Variants in MYNN observed in about 807,000 individuals in gnomAD.
MYNN encodes the protein zinc finger and BTB domain-containing protein 31.
MYNN carries 22 observed loss-of-function variants against 57.2 expected under a neutral mutation model. That is an observed-to-expected ratio of 0.38 (90% CI 0.27 to 0.55). The LOEUF (loss-of-function observed/expected upper bound fraction) is 0.55. Among genes scored for constraint, MYNN ranks in the 20% least tolerant of loss-of-function variants. MYNN has a pLI of 0.71. For missense variants in MYNN, 566 were observed against 723.1 expected (o/e 0.78, Z 2.49); for synonymous variants, 241 against 257.1 (o/e 0.94, Z 0.60).
At chr3:169,779,607 T>TA (rs1356897100) in intron 3 of MYNN, 46 bp downstream of exon 3, 2 of 1,552,842 alleles carry the variant, frequency 1.3e-6, no homozygotes, top group Non-Finnish European at 1.7e-6. Flanking sequence ...CTGTGACTAA[T>TA]ATAGTGTATT....
chr3:169,775,283 C>T lies in MYNN; in HGVS notation c.266+722C>T, dbSNP rs550483059. ...ATCTGATAATGTAGGCACTGTGTGTCTCCCCTGTATAACGAACCATATAAT... is the reference window on the plus strand; with the variant it reads ...ATCTGATAATGTAGGCACTGTGTGTTTCCCCTGTATAACGAACCATATAAT... On this transcript the variant is annotated intron_variant, in intron 2 of 7. Coordinates refer to ENST00000349841, the MANE Select transcript of MYNN (RefSeq NM_018657.5). Among the ~76,000 whole-genome samples the T allele has an allele frequency of 4.6e-5, 7 of 152,288 alleles. No individual in the cohort carries two copies. The South Asian group carries it at 1.2e-3, about 27-fold the overall frequency.
At chr3:169,779,680 C>A in intron 3 of MYNN, 119 bp downstream of exon 3, 1 of 1,051,664 alleles carries the variant, frequency 9.5e-7, no homozygotes. Context: ...TTCTATTCAT[C>A]AAAGTATTTA....
chr3:169,784,161 G>T (rs923057606), intron 6 of MYNN, among the ~76,000 whole-genome samples: 3 of 151,972 alleles, frequency 2.0e-5, no homozygotes, highest in African/African-American at 7.2e-5. Flanking sequence ...ACACCATAAA[G>T]CACTGAACAG....
intron 2 of MYNN, chr3:169,777,103 A>T (rs2108199655): frequency 6.6e-6 from 1 of 152,316 alleles, no homozygotes; most frequent in Non-Finnish European, 1.5e-5. Flanking sequence ...AGACCAAAAG[A>T]TCTTTTTTAG....
Position 169,774,543 on chromosome 3 carries a change from G to A in MYNN, c.248G>A (p.Gly83Glu), listed in dbSNP as rs1778270527. 4 of 1,611,948 alleles carry A rather than the reference G, an allele frequency of 2.5e-6. No individual in the cohort carries two copies. The highest frequency in any genetic ancestry group is 3.4e-6 in the Non-Finnish European group (4 of 1,178,460). ...FQKLLEFIYT[G>E]TLNLDSWNVK... ...AAACTGTTGGAGTTTATATACACAG[G>A]AACTTTAAATCTTGACAGGTAAAGT... Residue 83 changes from glycine (G) to glutamate (E), a missense_variant, in exon 2 of 8, where the codon GGA becomes GAA. Gly to Glu is a moderately conservative substitution (Grantham distance 98). Transcript: ENST00000349841.
intron 2 of MYNN, among the ~76,000 whole-genome samples, chr3:169,776,057 TG>T (rs1199859237): frequency 6.6e-6 from 1 of 152,206 alleles, no homozygotes; most frequent in African/African-American, 2.4e-5. Context: ...AAAAGAGCAG[TG>T]TGAATTTTGG....
intron 7 of MYNN, among the ~76,000 whole-genome samples, 176 bp downstream of exon 7, chr3:169,784,884 C>G (rs1313461198): frequency 6.8e-6 from 1 of 147,136 alleles, no homozygotes; most frequent in Non-Finnish European, 1.5e-5. Context: ...AACATTCACT[C>G]TGGATTTTTC....
chr3:169,776,694 AT>A (rs10681957), intron 2 of MYNN, among the ~76,000 whole-genome samples: 2,166 of 105,544 alleles, frequency 0.021, 5 homozygotes, highest in East Asian at 0.064. Flanking sequence ...TGTTGAACAA[AT>A]TTTTTTTTTT....
At position 169,774,349 on chromosome 3, in the gene MYNN, G is replaced by A. The variant is rs1184835207; in HGVS notation, c.54G>A (p.Arg18=). ...TTTTAGAGAGACTGAACAAACAGCG[G>A]GAAGCAGGTTTTCTCTGTGACTGTA... ...EHLLERLNKQ[R]EAGFLCDCTI... is the part of the protein sequence containing the mutation. Residue 18 remains arginine (R), a synonymous_variant, in exon 2 of 8, where the codon CGG becomes CGA. Transcript: ENST00000349841. 1 of 1,614,032 alleles carries A rather than the reference G, an allele frequency of 6.2e-7. No homozygotes were observed. The highest frequency in any genetic ancestry group is 1.1e-5 in the South Asian group (1 of 91,078).
chr3:169,785,144 A>G (rs1778640043), intron 7 of MYNN, among the ~76,000 whole-genome samples: 1 of 151,644 alleles, frequency 6.6e-6, no homozygotes, highest in African/African-American at 2.4e-5. Context: ...AGGTAGCCCT[A>G]CATTGTTATA....
In MYNN at chr3:169,779,251, T is replaced by C; in HGVS notation, c.750T>C (p.Ile250=). The C allele has an allele frequency of 6.2e-7, 1 of 1,614,180 alleles. No individual in the cohort carries two copies. The highest frequency in any genetic ancestry group is 1.6e-4 in the Middle Eastern group (1 of 6,062). ...VVENTFPAQD[I]VHTVTVKRKR... Reference sequence around the variant, plus strand: ...AAAATACTTTTCCAGCACAAGATATTGTGCACACTGTTACAGTGAAACGGA... The same window carrying C: ...AAAATACTTTTCCAGCACAAGATATCGTGCACACTGTTACAGTGAAACGGA... The change falls in exon 3 of 8, where the codon ATT becomes ATC. Residue 250 remains isoleucine (I), a synonymous_variant. Transcript: ENST00000349841.
At chr3:169,780,452 G>C (rs781759879) in intron 3 of MYNN, 138 bp from the exon 4 acceptor site, 1 of 573,502 alleles carries the variant, frequency 1.7e-6, no homozygotes, top group South Asian at 3.0e-5. Context: ...CAGTGGTCTG[G>C]AAAAGATTAT....
Position 169,779,419 on chromosome 3 carries a change from A to C in MYNN, c.918A>C (p.Thr306=). The change falls in exon 3 of 8, where the codon ACA becomes ACC. Residue 306 remains threonine, a synonymous_variant. Transcript: ENST00000349841. ...CCAAGGCCAAGCCAATGTGTAACACATGTGGGAAAGTGTTTTCAGAAGCCA... is the reference window on the plus strand; with the variant it reads ...CCAAGGCCAAGCCAATGTGTAACACCTGTGGGAAAGTGTTTTCAGAAGCCA... ...RYSKAKPMCN[T]CGKVFSEASS... 6.2e-7 allele frequency: 1 copy of C among 1,614,212 alleles called. No homozygotes were observed. The highest frequency in any genetic ancestry group is 8.5e-7 in the Non-Finnish European group (1 of 1,180,030).
rs1431313126 is a variant in MYNN at position 169,787,499 on chromosome 3, CCTCT to C, written c.*824_*827del. 4 of 151,954 alleles carry C rather than the reference CCTCT, an allele frequency of 2.6e-5. No homozygotes were observed. 9.4% of individuals were successfully genotyped at this position (151,954 alleles called of 1,614,324 possible). On this transcript the variant is annotated 3_prime_UTR_variant, in exon 8 of 8. Transcript: ENST00000349841. ...TTGAGTTTTGAAATATTTTGGTAAG[CCTCT>C]CTTACTCCTGTTATGCACTTTTTAA...
rs938818343 is a variant in MYNN, at chr3:169,787,005, T to C, written c.*327T>C. ...TTCATTTACTAAATCAGCCAGTTAA[T>C]GTGATTCAGTTGTGACCTGTGGGAT... On this transcript the variant is annotated 3_prime_UTR_variant, in exon 8 of 8. Coordinates refer to ENST00000349841, the MANE Select transcript of MYNN (RefSeq NM_018657.5). 1.1e-5 allele frequency: 3 copies of C among 262,974 alleles called. No individual in the cohort carries two copies. Among genetic ancestry groups the C allele is most frequent in the African/African-American group, 2.2e-5 (1 of 45,298 alleles). The allele number at this position is 262,974 out of a possible 1,614,324, so 16.3% of individuals were successfully genotyped here.
chr3:169,786,662 TACA>T lies in MYNN; in HGVS notation c.1822_1824del (p.Gln608del), dbSNP rs1394209471. 4.3e-6 allele frequency: 7 copies of T among 1,612,762 alleles called. No homozygotes were observed. The highest frequency in any genetic ancestry group is 2.2e-5 in the East Asian group (1 of 44,846). On this transcript the variant is annotated inframe_deletion, in exon 8 of 8. Coordinates refer to ENST00000349841, the MANE Select transcript of MYNN (RefSeq NM_018657.5). ...TATTCAGAACCACAGTTGATTTTTT[TACA>T]ACAATTATACTGACTTTGTAAGGAA...
At position 169,780,735 on chromosome 3, in the gene MYNN, C is replaced by T; in HGVS notation, c.1206C>T (p.Leu402=). The T allele has an allele frequency of 6.2e-7, 1 of 1,600,462 alleles. No homozygotes were observed. Among genetic ancestry groups the T allele is most frequent in the East Asian group, 2.2e-5 (1 of 44,706 alleles). ...CNLQFATSSN[L]KIHARKHSGE... is the part of the protein sequence containing the mutation. ...TACAGTTTGCAACTTCTAGCAATCTCAAGATTCATGCAAGGTAAAAAACCA... is the reference window on the plus strand; with the variant it reads ...TACAGTTTGCAACTTCTAGCAATCTTAAGATTCATGCAAGGTAAAAAACCA... The change falls in exon 4 of 8, where the codon CTC becomes CTT. Residue 402 remains leucine, a synonymous_variant. Transcript: ENST00000349841.
rs1461301964 is a variant in MYNN at position 169,774,256 on chromosome 3, G to A, written c.-31-9G>A. 1 of 1,595,232 alleles carries A rather than the reference G, an allele frequency of 6.3e-7. No individual in the cohort carries two copies. The highest frequency in any genetic ancestry group is 8.6e-7 in the Non-Finnish European group (1 of 1,167,044). Reference sequence around the variant, plus strand: ...GGTTACTGATTTACTGTTTCTTTTTGTCTTTTAGATCAAGGGTAAAATTCC... The same window carrying A: ...GGTTACTGATTTACTGTTTCTTTTTATCTTTTAGATCAAGGGTAAAATTCC... On this transcript the variant is annotated splice_polypyrimidine_tract_variant and intron_variant, in intron 1 of 7. Coordinates refer to ENST00000349841, the MANE Select transcript of MYNN (RefSeq NM_018657.5).
rs367946936 is a variant in MYNN, at chr3:169,780,703, T to A, written c.1174T>A (p.Cys392Ser). The A allele has an allele frequency of 1.9e-6, 3 of 1,609,266 alleles. No individual in the cohort carries two copies. In the African/African-American group the frequency reaches 4.0e-5, roughly 22 times the overall value. ...AGAAAAACCCTATAAATGTGATGTA[T>A]GCAACTTACAGTTTGCAACTTCTAG... ...GEEKPYKCDV[C>S]NLQFATSSNL... The change falls in exon 4 of 8, where the codon TGC becomes AGC. Residue 392 changes from cysteine to serine, a missense_variant. Physicochemically the swap from Cys to Ser is moderately radical, Grantham distance 112. Around this residue, in one of 4 missense-constraint regions of MYNN, gnomAD observed 123 missense variants for 222.6 expected, o/e 0.55. Transcript: ENST00000349841.
Sources: allele counts gnomAD v4.1 joint callset (sites outside exome capture counted in the v4.1 genomes callset), GRCh38; gene constraint gnomAD v4.1.1; regional missense constraint gnomAD v4.1.1; transcripts MANE v1.5; gene names NCBI Gene and HGNC (gene_info 2026-07-23, HGNC 2026-07-21).